KIAA1549L: variants seen among roughly 807,000 people sequenced by gnomAD.
KIAA1549L encodes UPF0606 protein KIAA1549L.
KIAA1549L carries 88 observed loss-of-function variants against 160.7 expected under a neutral mutation model. The observed-to-expected ratio is 0.55, with a 90% confidence interval of 0.46 to 0.65. The LOEUF is 0.65. KIAA1549L is among the 30% of genes least tolerant of loss of function. KIAA1549L has a pLI of 0.00. For missense variants in KIAA1549L, 2,258 were observed against 2,437.5 expected (o/e 0.93, Z 1.55); for synonymous variants, 950 against 976.7 (o/e 0.97, Z 0.51).
chr11:33,591,108 G>A (rs1452010598), intron 11 of KIAA1549L, 129 bp from the exon 12 acceptor site: 1 of 688,976 alleles, frequency 1.5e-6, no homozygotes, highest in African/African-American at 1.8e-5. Flanking sequence ...GGGGATTTGA[G>A]TTAACTCTTG....
intron 16 of KIAA1549L, among the ~76,000 whole-genome samples, chr11:33,627,721 C>T (rs55643801): frequency 0.033 from 5,006 of 152,042 alleles, 206 homozygotes; most frequent in East Asian, 0.19. Flanking sequence ...TTTTGTTGAT[C>T]CTTTCAAAAA....
intron 1 of KIAA1549L, among the ~76,000 whole-genome samples, chr11:33,424,776 A>G (rs1452914302): frequency 2.6e-5 from 4 of 152,218 alleles, no homozygotes; most frequent in African/African-American, 9.6e-5. Flanking sequence ...AGTTTTAAAT[A>G]CAGAGTATTG....
At chr11:33,611,229 T>A (rs1288719526) in intron 15 of KIAA1549L, among the ~76,000 whole-genome samples, 1 of 152,196 alleles carries the variant, frequency 6.6e-6, no homozygotes, top group Admixed American at 6.5e-5. Context: ...GTCTCCTTGG[T>A]GACTTCCCTC....
intron 1 of KIAA1549L, among the ~76,000 whole-genome samples, chr11:33,408,489 G>GTGTGTATATATATATATATATATATATA (rs34208718): frequency 4.9e-5 from 6 of 123,066 alleles, no homozygotes; most frequent in Non-Finnish European, 1.0e-4. Flanking sequence ...CTGTATATGT[G>GTGTGTATATATATATATATATATATATA]TATATATATA....
At chr11:33,529,716 G>T (rs867932364) in intron 1 of KIAA1549L, among the ~76,000 whole-genome samples, 11 of 152,282 alleles carry the variant, frequency 7.2e-5, no homozygotes, top group Middle Eastern at 3.4e-3. Flanking sequence ...TTTTATGATG[G>T]GGTGATTTCC....
chr11:33,439,045 A>C (rs1001523917), intron 1 of KIAA1549L, among the ~76,000 whole-genome samples: 1 of 150,904 alleles, frequency 6.6e-6, no homozygotes, highest in African/African-American at 2.4e-5. Flanking sequence ...TCCTGCCTCA[A>C]CCTCCTGAGT....
intron 1 of KIAA1549L, among the ~76,000 whole-genome samples, chr11:33,535,694 A>G (rs573928621): frequency 1.3e-5 from 2 of 152,184 alleles, no homozygotes; most frequent in African/African-American, 4.8e-5. Context: ...GAAAAAAGAA[A>G]AAGTCACAGG....
intron 1 of KIAA1549L, among the ~76,000 whole-genome samples, chr11:33,454,133 G>T (rs557930335): frequency 5.7e-4 from 87 of 152,272 alleles, no homozygotes; most frequent in African/African-American, 2.0e-3. Context: ...CAAGCTCTCT[G>T]CCTGGAACCA....
At chr11:33,559,671 C>T (rs1854771922) in intron 6 of KIAA1549L, 78 bp from the exon 7 acceptor site, 4 of 1,254,860 alleles carry the variant, frequency 3.2e-6, no homozygotes, top group Admixed American at 1.8e-5. Flanking sequence ...CTTAGCCTCC[C>T]CCTCCCATGG....
intron 17 of KIAA1549L, among the ~76,000 whole-genome samples, chr11:33,647,763 A>G (rs902939144): frequency 4.9e-5 from 7 of 141,784 alleles, no homozygotes; most frequent in Non-Finnish European, 7.6e-5. Context: ...GCCCATAGCC[A>G]TCGTATCTCA....
At chr11:33,420,207 T>G (rs1223815705) in intron 1 of KIAA1549L, among the ~76,000 whole-genome samples, 3 of 151,218 alleles carry the variant, frequency 2.0e-5, no homozygotes, top group Non-Finnish European at 1.5e-5. Flanking sequence ...GTTAAGAATC[T>G]TGGTTTGTAT....
At chr11:33,424,596 G>C (rs1565130876) in intron 1 of KIAA1549L, among the ~76,000 whole-genome samples, 1 of 152,160 alleles carries the variant, frequency 6.6e-6, no homozygotes, top group South Asian at 2.1e-4. Flanking sequence ...ACTTACAAAA[G>C]TGTCTTGACC....
chr11:33,427,577 G>T (rs1851145241), intron 1 of KIAA1549L, among the ~76,000 whole-genome samples: 1 of 151,918 alleles, frequency 6.6e-6, no homozygotes, highest in South Asian at 2.1e-4. Flanking sequence ...TTCCTTACAG[G>T]CTGTCTCCGG....
At chr11:33,430,045 T>TCCTTCCAC (rs538132465) in intron 1 of KIAA1549L, among the ~76,000 whole-genome samples, 1 of 128,894 alleles carries the variant, frequency 7.8e-6, no homozygotes, top group Non-Finnish European at 1.6e-5. Context: ...CTTCCTTCCT[T>TCCTTCCAC]CCTCCCTTCC....
chr11:33,500,251 TC>T (rs1321944201), intron 1 of KIAA1549L, among the ~76,000 whole-genome samples: 3 of 152,204 alleles, frequency 2.0e-5, no homozygotes, highest in Admixed American at 2.0e-4. Context: ...TGTTTCAAGA[TC>T]GAGTCAGGAT....
chr11:33,622,889 G>A (rs191588260), intron 16 of KIAA1549L, among the ~76,000 whole-genome samples: 44 of 152,314 alleles, frequency 2.9e-4, no homozygotes, highest in East Asian at 9.7e-4. Context: ...GCCTGGGCGC[G>A]TTGTCTGATG....
At chr11:33,580,529 G>A (rs1227577351) in intron 10 of KIAA1549L, among the ~76,000 whole-genome samples, 14 of 141,560 alleles carry the variant, frequency 9.9e-5, no homozygotes, top group South Asian at 2.2e-4. Context: ...AGCCGAGATC[G>A]TGCCATTACT....
intron 15 of KIAA1549L, among the ~76,000 whole-genome samples, chr11:33,614,531 GATATATATAT>G (rs780446812): frequency 0.086 from 2,322 of 27,050 alleles, 519 homozygotes; most frequent in Middle Eastern, 0.17. Context: ...AGTGTAACAA[GATATATATAT>G]ATATATATAT....
chr11:33,398,703 A>G (rs1850436315), intron 1 of KIAA1549L, among the ~76,000 whole-genome samples: 1 of 152,218 alleles, frequency 6.6e-6, no homozygotes, highest in African/African-American at 2.4e-5. Flanking sequence ...AGAGTCTAAC[A>G]CAACCATTGA....
Sources: gnomAD v4.1 joint callset for allele counts (sites outside exome capture counted in the v4.1 genomes callset) on GRCh38, gnomAD v4.1.1 for gene constraint, MANE v1.5 for transcripts, NCBI Gene and HGNC (gene_info 2026-07-23, HGNC 2026-07-21) for gene names.